The following CSNK2A1 variants were observed in gnomAD, a reference collection of about 807,000 sequenced individuals.
The protein encoded by CSNK2A1 is casein kinase 2 alpha 1, also known as casein kinase II subunit alpha.
Under a neutral mutation model 62.9 loss-of-function variants are expected in CSNK2A1, and 10 were observed. The ratio of observed to expected loss-of-function variants is 0.16; its 90% CI spans 0.10 to 0.27. The LOEUF is 0.27. Ranked by LOEUF, CSNK2A1 falls within the 10% of genes least tolerant of loss-of-function variation. The pLI is 1.00. For synonymous variants in CSNK2A1, 124 were observed against 167.8 expected (o/e 0.74, Z 2.02); for missense variants, 160 against 492.0 (o/e 0.33, Z 6.38).
chr20:488,783 T>C lies in CSNK2A1; in HGVS notation c.724-5A>G. 6.2e-7 allele frequency: 1 copy of C among 1,605,902 alleles called. No homozygotes were observed. The highest frequency in any genetic ancestry group is 1.1e-5 in the South Asian group (1 of 89,732). The stretch of plus-strand genomic sequence containing the variant: ...AACCTTGGCTATCCTCACCAACTAG[T>C]ATTAAAGAAAGACAAAAACCCATAT... On this transcript the variant is annotated splice_region_variant and splice_polypyrimidine_tract_variant and intron_variant, in intron 10 of 13. Coordinates refer to ENST00000217244, the MANE Select transcript of CSNK2A1 (RefSeq NM_177559.3).
At chr20:532,776 C>CT (rs2019239706) in intron 1 of CSNK2A1, among the ~76,000 whole-genome samples, 1 of 152,108 alleles carries the variant, frequency 6.6e-6, no homozygotes, top group Non-Finnish European at 1.5e-5. Context: ...GATACGCAAT[C>CT]ACCTTTTGCA....
chr20:500,264 T>A (rs1173371059), intron 4 of CSNK2A1: 1 of 233,478 alleles, frequency 4.3e-6, no homozygotes, highest in African/African-American at 2.3e-5. Context: ...AAAGTAGCAA[T>A]TTAAATCGTT....
chr20:478,606 G>A lies in CSNK2A1; in HGVS notation c.*5355C>T. ...TAAGCTTCCATCTGGAGGTACCTGG[G>A]GAAGGGCTTCTCACATTGAGGCCAA... On this transcript the variant is annotated 3_prime_UTR_variant, in exon 14 of 14. Coordinates refer to ENST00000217244, the MANE Select transcript of CSNK2A1 (RefSeq NM_177559.3). The A allele has an allele frequency of 2.4e-6, 1 of 413,944 alleles. No individual in the cohort carries two copies. Among genetic ancestry groups the A allele is most frequent in the South Asian group, 1.7e-5 (1 of 59,296 alleles). 25.6% of individuals were successfully genotyped at this position (413,944 alleles called of 1,614,324 possible).
chr20:485,101 AAAAAAAAAATATATATATAT>A (rs2018058571), intron 13 of CSNK2A1, among the ~76,000 whole-genome samples: 1 of 31,862 alleles, frequency 3.1e-5, no homozygotes, highest in African/African-American at 1.0e-4. Context: ...AAAAAAAAAA[AAAAAAAAAATATATATATAT>A]ATATATATAT....
chr20:535,973 C>T (rs2019311400), intron 1 of CSNK2A1, among the ~76,000 whole-genome samples: 1 of 152,102 alleles, frequency 6.6e-6, no homozygotes, highest in Non-Finnish European at 1.5e-5. Context: ...GGGAGTAAGA[C>T]CTCTGATCTA....
At chr20:510,800 T>C (rs2018703809) in intron 2 of CSNK2A1, among the ~76,000 whole-genome samples, 1 of 152,146 alleles carries the variant, frequency 6.6e-6, no homozygotes, top group Admixed American at 6.5e-5. Context: ...CACTGCAGCC[T>C]TGACCTCCCA....
chr20:540,581 C>T (rs2019429559), intron 1 of CSNK2A1, among the ~76,000 whole-genome samples: 1 of 152,116 alleles, frequency 6.6e-6, no homozygotes, highest in Non-Finnish European at 1.5e-5. Flanking sequence ...GCCACCCAGG[C>T]TGGAGTGCAG....
In CSNK2A1 at chr20:483,899, T is replaced by C. The variant is rs532805544; in HGVS notation, c.*62A>G. ...TCACCCCTCCCCGCCAGGCGCAAGC[T>C]GCATCAAGGAGAGGGTGGACTCCCC... is the stretch of plus-strand genomic sequence containing the variant. On this transcript the variant is annotated 3_prime_UTR_variant, in exon 14 of 14. Coordinates refer to ENST00000217244, the MANE Select transcript of CSNK2A1 (RefSeq NM_177559.3). The C allele has an allele frequency of 8.0e-5, 121 of 1,509,146 alleles. No homozygotes were observed. In the African/African-American group the frequency reaches 1.2e-3, roughly 15 times the overall value. The allele number at this position is 1,509,146 out of a possible 1,614,324, so 93.5% of individuals were successfully genotyped here. A position where few individuals can be genotyped will look rare whatever the true frequency, so the allele number is the denominator to read the frequency against.
At position 543,748 on chromosome 20, in the gene CSNK2A1, G is replaced by T; in HGVS notation, c.-303C>A. On this transcript the variant is annotated 5_prime_UTR_variant, in exon 1 of 14. Transcript: ENST00000217244. Reference sequence around the variant, plus strand: ...ACAATATGGCGGCGATGGAGGAGGAGACACACGGCTCGGCCGCCAGCCGCA... The same window carrying T: ...ACAATATGGCGGCGATGGAGGAGGATACACACGGCTCGGCCGCCAGCCGCA... 1 of 398,440 alleles carries T rather than the reference G, an allele frequency of 2.5e-6. No individual in the cohort carries two copies. Among genetic ancestry groups the T allele is most frequent in the South Asian group, 1.3e-4 (1 of 7,792 alleles). The allele number at this position is 398,440 out of a possible 1,614,324, so 24.7% of individuals were successfully genotyped here.
rs2018655030 is a variant in CSNK2A1 at position 508,679 on chromosome 20, CA to C, written c.-109-20del. Reference sequence around the variant, plus strand: ...CTTCAAACTGCAGAAACAAAATGCACAAAGTCCAAGGAATCATTTACAGAAG... The same window carrying C: ...CTTCAAACTGCAGAAACAAAATGCACAAGTCCAAGGAATCATTTACAGAAG... On this transcript the variant is annotated intron_variant, in intron 2 of 13. Coordinates refer to ENST00000217244, the MANE Select transcript of CSNK2A1 (RefSeq NM_177559.3). The C allele has an allele frequency of 1.3e-6, 1 of 784,518 alleles. No homozygotes were observed. The highest frequency in any genetic ancestry group is 2.0e-6 in the Non-Finnish European group (1 of 487,946). 48.6% of individuals were successfully genotyped at this position (784,518 alleles called of 1,614,324 possible).
chr20:526,985 AAGAGAGAGAGACAGACAGAGAGAG>A (rs1364591282), intron 2 of CSNK2A1: 1 of 89,996 alleles, frequency 1.1e-5, no homozygotes, highest in Non-Finnish European at 2.3e-5. Context: ...GAGAGAGAGA[AAGAGAGAGAGACAGACAGAGAGAG>A]AGAGAGAGAG....
intron 2 of CSNK2A1, among the ~76,000 whole-genome samples, chr20:511,240 T>C (rs2018712909): frequency 6.6e-6 from 1 of 151,980 alleles, no homozygotes; most frequent in South Asian, 2.1e-4. Context: ...CTTGGGAGGC[T>C]GAGGCAGGAG....
rs2017894199 is a variant in CSNK2A1, at chr20:478,558, T to TCGTGCCTGTAGTCCCTGG, written c.*5402_*5403insCCAGGGACTACAGGCACG. 1 of 321,996 alleles carries TCGTGCCTGTAGTCCCTGG rather than the reference T, an allele frequency of 3.1e-6. No individual in the cohort carries two copies. Among genetic ancestry groups the TCGTGCCTGTAGTCCCTGG allele is most frequent in the Non-Finnish European group, 6.0e-6 (1 of 165,932 alleles). 19.9% of individuals were successfully genotyped at this position (321,996 alleles called of 1,614,324 possible). A position where few individuals can be genotyped will look rare whatever the true frequency, so the allele number is the denominator to read the frequency against. ...TACTCAATCCCCCCAGGAACTTCTC[T>TCGTGCCTGTAGTCCCTGG]AAGAAATGGACTGACCATCCTGTAA... On this transcript the variant is annotated 3_prime_UTR_variant, in exon 14 of 14. Transcript: ENST00000217244.
chr20:486,803 AGT>A (rs918503844), intron 12 of CSNK2A1: 6 of 267,294 alleles, frequency 2.2e-5, no homozygotes, highest in African/African-American at 4.5e-5. Context: ...ATATATTACC[AGT>A]GTGTCCACAG....
At chr20:508,195 C>A (rs1031618472) in intron 3 of CSNK2A1, 6 of 399,074 alleles carry the variant, frequency 1.5e-5, no homozygotes, top group African/African-American at 1.2e-4. Context: ...TGCACGACTG[C>A]ATATACATCA....
rs1169620566 is a variant in CSNK2A1, at chr20:479,792, ATT to A, written c.*4167_*4168del. On this transcript the variant is annotated 3_prime_UTR_variant, in exon 14 of 14. Transcript: ENST00000217244. ...CTGAATTTCGTATTACACGTTGAGC[ATT>A]TCTAATTTGAAAATACAAAATCCTC... 6.6e-6 allele frequency: 1 copy of A among 152,240 alleles called. No homozygotes were observed. 9.4% of individuals were successfully genotyped at this position (152,240 alleles called of 1,614,324 possible). A position where few individuals can be genotyped will look rare whatever the true frequency, so the allele number is the denominator to read the frequency against.
At chr20:513,890 C>T (rs2122587166) in intron 2 of CSNK2A1, among the ~76,000 whole-genome samples, 1 of 152,330 alleles carries the variant, frequency 6.6e-6, no homozygotes, top group Non-Finnish European at 1.5e-5. Flanking sequence ...ACCTTACTGT[C>T]ACGCATACCA....
chr20:477,499 C>T lies in CSNK2A1; in HGVS notation c.*6462G>A, dbSNP rs1301799503. On this transcript the variant is annotated 3_prime_UTR_variant, in exon 14 of 14. Coordinates refer to ENST00000217244, the MANE Select transcript of CSNK2A1 (RefSeq NM_177559.3). Reference sequence around the variant, plus strand: ...CCTCATCACCCAGAGGCAACAACAGCTAGTATTCTTCTAGTTTTTACCACC... The same window carrying T: ...CCTCATCACCCAGAGGCAACAACAGTTAGTATTCTTCTAGTTTTTACCACC... 1.3e-5 allele frequency: 2 copies of T among 152,388 alleles called. No individual in the cohort carries two copies. Among genetic ancestry groups the T allele is most frequent in the Admixed American group, 6.6e-5 (1 of 15,266 alleles). 9.4% of individuals were successfully genotyped at this position (152,388 alleles called of 1,614,324 possible).
intron 4 of CSNK2A1, chr20:503,576 G>A (rs2018513160): frequency 2.5e-6 from 1 of 398,472 alleles, no homozygotes; most frequent in African/African-American, 2.1e-5. Context: ...GCTTGAGGTG[G>A]TTCGTAGTTT....
Sources: allele counts gnomAD v4.1 joint callset (sites outside exome capture counted in the v4.1 genomes callset), GRCh38; gene constraint gnomAD v4.1.1; transcripts MANE v1.5; gene names NCBI Gene and HGNC (gene_info 2026-07-23, HGNC 2026-07-21).